DYNC2I1: variants seen among roughly 807,000 people sequenced by gnomAD.
DYNC2I1 encodes cytoplasmic dynein 2 intermediate chain 1.
DYNC2I1 carries 89 observed loss-of-function variants against 133.4 expected under a neutral mutation model. The ratio of observed to expected loss-of-function variants is 0.67; its 90% CI spans 0.56 to 0.80. The LOEUF (loss-of-function observed/expected upper bound fraction) is 0.80, where lower values mean the gene tolerates loss of function less well. Among genes scored for constraint, DYNC2I1 ranks in the 30% least tolerant of loss-of-function variants. The pLI is 0.00. For missense variants in DYNC2I1, 1,291 were observed against 1,314.5 expected (o/e 0.98, Z 0.28); for synonymous variants, 504 against 484.3 (o/e 1.04, Z -0.54).
upstream of DYNC2I1, among the ~76,000 whole-genome samples, chr7:158,855,872 TC>T (rs1841191470): frequency 6.6e-6 from 1 of 152,020 alleles, no homozygotes; most frequent in Admixed American, 6.6e-5. Context: ...CTTGTTTTTA[TC>T]AAAAGACGAC....
intron 17 of DYNC2I1, among the ~76,000 whole-genome samples, chr7:158,925,020 C>CT (rs1416263731): frequency 3.3e-5 from 5 of 152,086 alleles, no homozygotes; most frequent in African/African-American, 9.7e-5. Flanking sequence ...CCTCCCAAAG[C>CT]GCTGGGATTA....
In DYNC2I1 at chr7:158,930,521, ATGT is replaced by A; in HGVS notation, c.2546+7_2546+9del. The A allele has an allele frequency of 6.2e-7, 1 of 1,611,570 alleles. No homozygotes were observed. The highest frequency in any genetic ancestry group is 8.5e-7 in the Non-Finnish European group (1 of 1,178,872). On this transcript the variant is annotated splice_region_variant and intron_variant, in intron 21 of 24. Coordinates refer to ENST00000407559, the MANE Select transcript of DYNC2I1 (RefSeq NM_018051.5). ...CTGATCCAGTTGGGTGACAGGTAAG[ATGT>A]GAGGGAAAATGCTTCACTATCTCAC...
intron 15 of DYNC2I1, among the ~76,000 whole-genome samples, chr7:158,919,614 C>T (rs957183443): frequency 1.1e-4 from 16 of 152,154 alleles, no homozygotes; most frequent in East Asian, 9.6e-4. Context: ...CTTCGGGGCA[C>T]GTGTGAGACC....
chr7:158,936,064 G>A (rs1481442922), intron 23 of DYNC2I1, among the ~76,000 whole-genome samples: 3 of 152,166 alleles, frequency 2.0e-5, no homozygotes, highest in African/African-American at 7.2e-5. Context: ...GGTGACACAT[G>A]CCTGTAATCC....
Position 158,856,700 on chromosome 7 carries a change from C to T in DYNC2I1, c.-36C>T, listed in dbSNP as rs1167925342. 10 of 1,232,534 alleles carry T rather than the reference C, an allele frequency of 8.1e-6. No homozygotes were observed. The highest frequency in any genetic ancestry group is 1.0e-5 in the Non-Finnish European group (10 of 986,988). 76.3% of individuals were successfully genotyped at this position (1,232,534 alleles called of 1,614,324 possible). ...GGGGTGGACCGCGCCTGGCCGGGGC[C>T]GAGGACACCGCGGCCGCCCGGGCCT... is the stretch of plus-strand genomic sequence containing the variant. On this transcript the variant is annotated 5_prime_UTR_variant, in exon 1 of 25. Transcript: ENST00000407559.
At position 158,906,411 on chromosome 7, in the gene DYNC2I1, A is replaced by ACTTTGGGTCTAAGCCCATATTTGGGT. The variant is rs1250525458; in HGVS notation, c.1460+322_1460+323insTTGGGTCTAAGCCCATATTTGGGTCT. Among the ~76,000 whole-genome samples the ACTTTGGGTCTAAGCCCATATTTGGGT allele has an allele frequency of 2.0e-5, 3 of 152,324 alleles. No individual in the cohort carries two copies. In the East Asian group the frequency reaches 5.8e-4, roughly 29 times the overall value. On this transcript the variant is annotated intron_variant, in intron 11 of 24. Transcript: ENST00000407559. ...TATTTTAAAGTCAAGGGTCTATTAT[A>ACTTTGGGTCTAAGCCCATATTTGGGT]CTAAGCCCAAATATGACTGAGGAGT...
chr7:158,922,498 G>C lies in DYNC2I1; in HGVS notation c.2043G>C (p.Trp681Cys). 6.2e-7 allele frequency: 1 copy of C among 1,613,958 alleles called. No individual in the cohort carries two copies. The highest frequency in any genetic ancestry group is 8.5e-7 in the Non-Finnish European group (1 of 1,179,900). ...ACAGCAAATACGTCCTCTGTGTGTG[G>C]GATATTTGGCAGCCTTCAGGGCCAC... ...LLDSKYVLCV[W>C]DIWQPSGPQK... Residue 681 changes from tryptophan (W) to cysteine (C), a missense_variant, in exon 16 of 25, where the codon TGG (tryptophan) becomes TGC (cysteine). Physicochemically the swap from Trp to Cys is radical, Grantham distance 215. Coordinates refer to ENST00000407559, the MANE Select transcript of DYNC2I1 (RefSeq NM_018051.5).
intron 24 of DYNC2I1, among the ~76,000 whole-genome samples, chr7:158,943,827 G>C (rs1170002781): frequency 6.6e-6 from 1 of 152,186 alleles, no homozygotes; most frequent in Admixed American, 6.5e-5. Flanking sequence ...CCCGATGACT[G>C]GCTGCCCTGG....
chr7:158,852,106 T>C (rs960821025), upstream of DYNC2I1, among the ~76,000 whole-genome samples: 2 of 151,734 alleles, frequency 1.3e-5, no homozygotes, highest in African/African-American at 4.8e-5. Flanking sequence ...GCAGAAGAGC[T>C]GGGCGCCTGA....
At chr7:158,841,205 A>ATATATATATATG in the DYNC2I1 span, among the ~76,000 whole-genome samples, 1 of 37,218 alleles carries the variant, frequency 2.7e-5, no homozygotes, top group African/African-American at 1.0e-4. Context: ...ATATATATAT[A>ATATATATATATG]TATATATATA....
At chr7:158,930,262 T>G (rs771005007) in intron 20 of DYNC2I1, among the ~76,000 whole-genome samples, 193 bp from the exon 21 acceptor site, 4 of 152,222 alleles carry the variant, frequency 2.6e-5, no homozygotes, top group Non-Finnish European at 5.9e-5. Flanking sequence ...CTGTGAATTC[T>G]CGATTCTTCT....
chr7:158,873,160 G>C (rs1317538411), intron 3 of DYNC2I1, among the ~76,000 whole-genome samples: 2 of 152,128 alleles, frequency 1.3e-5, no homozygotes, highest in Non-Finnish European at 2.9e-5. Flanking sequence ...CCTAGGAACT[G>C]TAAGGTAAAG....
At chr7:158,875,328 C>T (rs555039937) in intron 3 of DYNC2I1, among the ~76,000 whole-genome samples, 1 of 152,162 alleles carries the variant, frequency 6.6e-6, no homozygotes, top group South Asian at 2.1e-4. Context: ...CTCCTGACTT[C>T]GTGATCCACC....
At chr7:158,861,705 C>T (rs554778712) in intron 1 of DYNC2I1, among the ~76,000 whole-genome samples, 3 of 152,312 alleles carry the variant, frequency 2.0e-5, no homozygotes, top group Non-Finnish European at 2.9e-5. Flanking sequence ...CCTGCAGCCA[C>T]GTTTGTCACA....
Position 158,915,951 on chromosome 7 carries a change from T to C in DYNC2I1, c.1791+1630T>C, listed in dbSNP as rs75425502. The stretch of plus-strand genomic sequence containing the variant: ...GACATTAAGGATGATTGTGAAACGT[T>C]GACACAGTGGTTGACATTAAGGATG... On this transcript the variant is annotated intron_variant, in intron 14 of 24. Transcript: ENST00000407559. 8.9e-3 allele frequency among the ~76,000 whole-genome samples: 504 copies of C among 56,394 alleles called. 3 individuals are homozygous for C. The highest frequency in any genetic ancestry group is 0.018 in the African/African-American group (203 of 10,984). The allele number at this position is 56,394 out of a possible 152,430, so 37.0% of individuals were successfully genotyped here. A position where few individuals can be genotyped will look rare whatever the true frequency, so the allele number is the denominator to read the frequency against.
At chr7:158,956,371 G>A (rs1852200306) in intron 4 of DYNC2I1, among the ~76,000 whole-genome samples, 1 of 152,220 alleles carries the variant, frequency 6.6e-6, no homozygotes, top group African/African-American at 2.4e-5. Context: ...GTTCCTGGAG[G>A]GGCCACCTCT....
At chr7:158,855,991 G>A (rs1178891959), upstream of DYNC2I1, among the ~76,000 whole-genome samples, 1 of 146,820 alleles carries the variant, frequency 6.8e-6, no homozygotes, top group Non-Finnish European at 1.5e-5. Flanking sequence ...GCCCAGGTTG[G>A]AGTGCAGTGG....
At chr7:158,950,311 C>T (rs1852017787), downstream of DYNC2I1, among the ~76,000 whole-genome samples, 1 of 152,048 alleles carries the variant, frequency 6.6e-6, no homozygotes, top group Non-Finnish European at 1.5e-5. Flanking sequence ...GTGATCTGCC[C>T]ACCTTGGCCT....
intron 8 of DYNC2I1, among the ~76,000 whole-genome samples, chr7:158,898,590 T>C (rs986830238): frequency 6.6e-6 from 1 of 152,242 alleles, no homozygotes; most frequent in African/African-American, 2.4e-5. Flanking sequence ...GGTATATTTT[T>C]CTTCATTTGG....
Sources: allele counts gnomAD v4.1 joint callset (sites outside exome capture counted in the v4.1 genomes callset), GRCh38; gene constraint gnomAD v4.1.1; transcripts MANE v1.5; gene names NCBI Gene and HGNC (gene_info 2026-07-23, HGNC 2026-07-21).